The following COL7A1 variants were observed in gnomAD, a reference collection of about 807,000 sequenced individuals.
COL7A1 encodes the protein collagen type VII alpha 1 chain, also known as collagen alpha-1(VII) chain.
A neutral mutation model predicts 456.2 loss-of-function variants in COL7A1; 296 were observed. The observed-to-expected ratio is 0.65, with a 90% confidence interval of 0.59 to 0.71. The LOEUF is 0.71. COL7A1 is among the 30% of genes least tolerant of loss of function. COL7A1 has a pLI of 0.00. For synonymous variants in COL7A1, 1,464 were observed against 1,525.9 expected (o/e 0.96, Z 0.95); for missense variants, 3,441 against 4,017.2 (o/e 0.86, Z 3.88).
rs768014269 is a variant in COL7A1, at chr3:48,593,716, G to C, written c.267-20C>G. ...TCTGTCCTGTTGGAGGGTAGGGGTG[G>C]CAACAGGCTAGGACTCAGGATCTCT... On this transcript the variant is annotated intron_variant, in intron 3 of 118. Transcript: ENST00000681320. The surrounding 1 kb of genome is among the most constrained non-coding windows in gnomAD (Gnocchi z 4.4). 2 of 1,614,074 alleles carry C rather than the reference G, an allele frequency of 1.2e-6. No individual in the cohort carries two copies. The highest frequency in any genetic ancestry group is 1.7e-6 in the Non-Finnish European group (2 of 1,180,014).
At position 48,581,502 on chromosome 3, in the gene COL7A1, G is replaced by C; in HGVS notation, c.4783-19C>G. The C allele has an allele frequency of 6.2e-7, 1 of 1,614,088 alleles. No individual in the cohort carries two copies. The highest frequency in any genetic ancestry group is 8.5e-7 in the Non-Finnish European group (1 of 1,179,992). On this transcript the variant is annotated intron_variant, in intron 50 of 118. Coordinates refer to ENST00000681320, the MANE Select transcript of COL7A1 (RefSeq NM_000094.4). The surrounding 1 kb of genome is among the most constrained non-coding windows in gnomAD (Gnocchi z 5.8). Reference sequence around the variant, plus strand: ...TGGGACCCTGAAGGGGACAGAAGGGGGGCAGGACTTAGTCAGGGTCCCACC... The same window carrying C: ...TGGGACCCTGAAGGGGACAGAAGGGCGGCAGGACTTAGTCAGGGTCCCACC...
rs1183885605 is a variant in COL7A1, at chr3:48,588,954, T to G, written c.2356A>C (p.Asn786His). 10 of 1,613,514 alleles carry G rather than the reference T, an allele frequency of 6.2e-6. No individual in the cohort carries two copies. Among genetic ancestry groups the G allele is most frequent in the Non-Finnish European group, 8.5e-6 (10 of 1,180,032 alleles). The change falls in exon 19 of 119, where the codon AAT becomes CAT. Residue 786 changes from asparagine (N) to histidine (H), a missense_variant. Transcript: ENST00000681320. The surrounding 1 kb of genome is among the most constrained non-coding windows in gnomAD (Gnocchi z 4.6). ...ATCCGTAGAACGTCGCTGGAAGCAT[T>G]GAGGATCTGCAGCCTCGACACACGA... ...VGRVSRLQILNASSDVLRITW... is the reference protein window; with the variant it reads ...VGRVSRLQILHASSDVLRITW...
At position 48,591,348 on chromosome 3, in the gene COL7A1, A is replaced by T. The variant is rs970638399; in HGVS notation, c.1636+116T>A. 7 of 1,397,660 alleles carry T rather than the reference A, an allele frequency of 5.0e-6. No individual in the cohort carries two copies. Among genetic ancestry groups the T allele is most frequent in the Non-Finnish European group, 5.9e-6 (6 of 1,015,390 alleles). The allele number at this position is 1,397,660 out of a possible 1,614,324, so 86.6% of individuals were successfully genotyped here. The stretch of plus-strand genomic sequence containing the variant: ...TCTTGGGAAGCAGATGGATAACGAG[A>T]CAGGGAGGAGACTATAGGGACCCAG... On this transcript the variant is annotated intron_variant, in intron 13 of 118. Coordinates refer to ENST00000681320, the MANE Select transcript of COL7A1 (RefSeq NM_000094.4). The surrounding 1 kb of genome is among the most constrained non-coding windows in gnomAD (Gnocchi z 7.0).
rs2045070245 is a variant in COL7A1, at chr3:48,584,466, C to T, written c.4119+19G>A. The T allele has an allele frequency of 1.2e-6, 2 of 1,613,844 alleles. No homozygotes were observed. The highest frequency in any genetic ancestry group is 1.3e-5 in the African/African-American group (1 of 74,884). Reference sequence around the variant, plus strand: ...TCCCCCCACTACACATCACTTGCCTCCACATACCCTGCACTTACCGATGGT... The same window carrying T: ...TCCCCCCACTACACATCACTTGCCTTCACATACCCTGCACTTACCGATGGT... On this transcript the variant is annotated intron_variant, in intron 36 of 118. Coordinates refer to ENST00000681320, the MANE Select transcript of COL7A1 (RefSeq NM_000094.4).
Position 48,567,956 on chromosome 3 carries a change from T to C in COL7A1, c.7876-65A>G. The C allele has an allele frequency of 6.2e-7, 1 of 1,607,172 alleles. No individual in the cohort carries two copies. The highest frequency in any genetic ancestry group is 8.5e-7 in the Non-Finnish European group (1 of 1,174,178). ...CCTCACTCTGTGACCCCCTTCACCC[T>C]GAAACTAACTCTCCAAACAGGCCTC... On this transcript the variant is annotated intron_variant, in intron 106 of 118. Coordinates refer to ENST00000681320, the MANE Select transcript of COL7A1 (RefSeq NM_000094.4). This position sits in a 1 kb window ranked among gnomAD's most constrained non-coding sequence, Gnocchi z 4.3.
Position 48,579,516 on chromosome 3 carries a change from C to T in COL7A1, c.5236-1G>A. 1 of 1,614,018 alleles carries T rather than the reference C, an allele frequency of 6.2e-7. No individual in the cohort carries two copies. On this transcript the variant is annotated splice_acceptor_variant, in intron 59 of 118. Coordinates refer to ENST00000681320, the MANE Select transcript of COL7A1 (RefSeq NM_000094.4). LOFTEE classifies it high-confidence loss of function. The surrounding 1 kb of genome is among the most constrained non-coding windows in gnomAD (Gnocchi z 4.4). ...GGGGTCCCCGAAACCCTTCAATGCCCTGAGGATAGGGGAGGAAGAAATCAG... is the reference window on the plus strand; with the variant it reads ...GGGGTCCCCGAAACCCTTCAATGCCTTGAGGATAGGGGAGGAAGAAATCAG...
Position 48,586,601 on chromosome 3 carries a change from C to T in COL7A1, c.3365G>A (p.Arg1122His), listed in dbSNP as rs140317692. The change falls in exon 26 of 119, where the codon CGT becomes CAT. Residue 1122 changes from arginine (R) to histidine (H), a missense_variant. By Grantham distance (29) the Arg-to-His change is conservative. This residue lies in a region of COL7A1 where 444 missense variants were observed against 427.6 expected (regional missense o/e 1.04). Coordinates refer to ENST00000681320, the MANE Select transcript of COL7A1 (RefSeq NM_000094.4). This position sits in a 1 kb window ranked among gnomAD's most constrained non-coding sequence, Gnocchi z 5.1. ...ACTTGGGTCCATGTAGGGCATGTCA[C>T]GGATCCTTTGCAAGATAATGCCAAG... ...HDLGIILQRI[R>H]DMPYMDPSGN... 5.1e-5 allele frequency: 82 copies of T among 1,613,616 alleles called. No individual in the cohort carries two copies. Among genetic ancestry groups the T allele is most frequent in the Admixed American group, 1.3e-4 (8 of 60,000 alleles).
rs374718902 is a variant in COL7A1, at chr3:48,579,241, C to T, written c.5344G>A (p.Gly1782Arg). The change falls in exon 62 of 119, where the codon GGA becomes AGA. Residue 1782 changes from glycine (G) to arginine (R), a missense_variant. Physicochemically the swap from Gly to Arg is moderately radical, Grantham distance 125 (BLOSUM62 -2). Around this residue, in one of 3 missense-constraint regions of COL7A1, gnomAD observed 2,084 missense variants for 2,501.3 expected, o/e 0.83. Coordinates refer to ENST00000681320, the MANE Select transcript of COL7A1 (RefSeq NM_000094.4). This position sits in a 1 kb window ranked among gnomAD's most constrained non-coding sequence, Gnocchi z 4.4. ...GCGGCTCCTGGTTTCCCATCCAGTC[C>T]GCTCCGGCCATCCAGCCCAGGGGGA... is the stretch of plus-strand genomic sequence containing the variant. ...RGPPGLDGRSGLDGKPGAAGP... is the reference protein window; with the variant it reads ...RGPPGLDGRSRLDGKPGAAGP... 6.8e-6 allele frequency: 11 copies of T among 1,613,762 alleles called. No homozygotes were observed. The highest frequency in any genetic ancestry group is 2.7e-5 in the African/African-American group (2 of 74,916).
Position 48,590,761 on chromosome 3 carries a change from G to A in COL7A1, c.1692C>T (p.Asp564=), listed in dbSNP as rs1271847669. ...CAGTGTAGCTAAGCCCAGCCTGAAC[G>A]TCATCCAAGTCGAATGCTGTCTGAC... ...PGSQTAFDLD[D]VQAGLSYTVR... The change falls in exon 14 of 119, where the codon GAC becomes GAT. Residue 564 remains aspartate, a synonymous_variant. Transcript: ENST00000681320. The surrounding 1 kb of genome is among the most constrained non-coding windows in gnomAD (Gnocchi z 4.6). The A allele has an allele frequency of 6.2e-6, 10 of 1,613,836 alleles. No individual in the cohort carries two copies. Among genetic ancestry groups the A allele is most frequent in the African/African-American group, 1.3e-5 (1 of 74,918 alleles).
chr3:48,581,596 G>A lies in COL7A1; in HGVS notation c.4759C>T (p.Pro1587Ser). The A allele has an allele frequency of 6.2e-7, 1 of 1,614,096 alleles. No individual in the cohort carries two copies. The highest frequency in any genetic ancestry group is 1.1e-5 in the South Asian group (1 of 91,084). ...ACCCGGTCTCCAGGGTCTCCCTTGG[G>A]GCCAGGGTCTCCAGGAAGAACCAAG... Reference protein sequence around the residue: ...PGLVLPGDPGPKGDPGDRGPI... With the variant: ...PGLVLPGDPGSKGDPGDRGPI... Residue 1587 changes from proline (P) to serine (S), a missense_variant, in exon 50 of 119, where the codon CCC becomes TCC. This residue lies in a region of COL7A1 where 2,084 missense variants were observed against 2,501.3 expected (regional missense o/e 0.83). Transcript: ENST00000681320. This position sits in a 1 kb window ranked among gnomAD's most constrained non-coding sequence, Gnocchi z 5.8.
chr3:48,595,149 C>T lies in COL7A1; in HGVS notation c.11G>A (p.Arg4Gln), dbSNP rs2045993672. 4 of 1,552,418 alleles carry T rather than the reference C, an allele frequency of 2.6e-6. No individual in the cohort carries two copies. Among genetic ancestry groups the T allele is most frequent in the South Asian group, 1.2e-5 (1 of 84,260 alleles). Residue 4 changes from arginine to glutamine, a missense_variant, in exon 2 of 119, where the codon CGG becomes CAG. Around this residue, in one of 3 missense-constraint regions of COL7A1, gnomAD observed 913 missense variants for 1,088.2 expected, o/e 0.84. Transcript: ENST00000681320. Reference sequence around the variant, plus strand: ...GGCGCAGAGCGCGGCCACCAGAAGCCGCAGCGTCATCCTAGGCAGTAAAAG... The same window carrying T: ...GGCGCAGAGCGCGGCCACCAGAAGCTGCAGCGTCATCCTAGGCAGTAAAAG... MTL[R>Q]LLVAALCAGI...
rs2045481984 is a variant in COL7A1 at position 48,588,814 on chromosome 3, G to T, written c.2441-26C>A. 2 of 1,613,660 alleles carry T rather than the reference G, an allele frequency of 1.2e-6. No individual in the cohort carries two copies. Among genetic ancestry groups the T allele is most frequent in the South Asian group, 1.1e-5 (1 of 91,092 alleles). On this transcript the variant is annotated intron_variant, in intron 19 of 118. Transcript: ENST00000681320. This position sits in a 1 kb window ranked among gnomAD's most constrained non-coding sequence, Gnocchi z 4.6. ...CTGGCCAGGTGGGCATACAGCAATG[G>T]TTAGGGGTGAGCAGTCCCAGCCAGG...
chr3:48,589,101 A>G, intron 18 of COL7A1, 106 bp from the exon 19 acceptor site: 1 of 1,581,188 alleles, frequency 6.3e-7, no homozygotes, highest in Admixed American at 1.7e-5. Flanking sequence ...TAGTGTGGAC[A>G]GGTCACTTTA....
Position 48,583,067 on chromosome 3 carries a change from T to C in COL7A1, c.4483-19A>G. 1 of 1,613,422 alleles carries C rather than the reference T, an allele frequency of 6.2e-7. No individual in the cohort carries two copies. The highest frequency in any genetic ancestry group is 8.5e-7 in the Non-Finnish European group (1 of 1,179,838). On this transcript the variant is annotated intron_variant, in intron 43 of 118. Coordinates refer to ENST00000681320, the MANE Select transcript of COL7A1 (RefSeq NM_000094.4). This position sits in a 1 kb window ranked among gnomAD's most constrained non-coding sequence, Gnocchi z 5.1. ...GTTCGCCCTGATGGAAAAGAAGAGG[T>C]CAGAGCTGAGTTGGGCCCAGATCCT...
chr3:48,585,525 C>T lies in COL7A1; in HGVS notation c.3894+32G>A. On this transcript the variant is annotated intron_variant, in intron 32 of 118. Transcript: ENST00000681320. The surrounding 1 kb of genome is among the most constrained non-coding windows in gnomAD (Gnocchi z 4.5). ...ACCCCGAGACAGCTTTGAGGAGTGCCTCAGAGAAACCTCGATGGTCTCCAC... is the reference window on the plus strand; with the variant it reads ...ACCCCGAGACAGCTTTGAGGAGTGCTTCAGAGAAACCTCGATGGTCTCCAC... 1.9e-6 allele frequency: 3 copies of T among 1,612,110 alleles called. No individual in the cohort carries two copies. Among genetic ancestry groups the T allele is most frequent in the Non-Finnish European group, 1.7e-6 (2 of 1,178,906 alleles).
chr3:48,573,607 A>T lies in COL7A1; in HGVS notation c.6574-50T>A. On this transcript the variant is annotated intron_variant, in intron 82 of 118. Coordinates refer to ENST00000681320, the MANE Select transcript of COL7A1 (RefSeq NM_000094.4). The surrounding 1 kb of genome is among the most constrained non-coding windows in gnomAD (Gnocchi z 5.5). Reference sequence around the variant, plus strand: ...GAACAGGGCTCAGGGATTAACACAGAGAAGGCCTGGCTCATCAGCTGTGGC... The same window carrying T: ...GAACAGGGCTCAGGGATTAACACAGTGAAGGCCTGGCTCATCAGCTGTGGC... 6.2e-7 allele frequency: 1 copy of T among 1,613,722 alleles called. No homozygotes were observed. The highest frequency in any genetic ancestry group is 2.2e-5 in the East Asian group (1 of 44,872).
chr3:48,565,556 A>G lies in COL7A1; in HGVS notation c.8441-60T>C, dbSNP rs1051795889. ...GTCACCATGGGCAGCCATCCCAGCCAACCCCCCTGAGAGGACCCCAGTTGA... is the reference window on the plus strand; with the variant it reads ...GTCACCATGGGCAGCCATCCCAGCCGACCCCCCTGAGAGGACCCCAGTTGA... On this transcript the variant is annotated intron_variant, in intron 115 of 118. Coordinates refer to ENST00000681320, the MANE Select transcript of COL7A1 (RefSeq NM_000094.4). This position sits in a 1 kb window ranked among gnomAD's most constrained non-coding sequence, Gnocchi z 4.5. 3 of 1,613,720 alleles carry G rather than the reference A, an allele frequency of 1.9e-6. No homozygotes were observed. In the African/African-American group the frequency reaches 4.0e-5, roughly 22 times the overall value.
chr3:48,566,600 A>T lies in COL7A1; in HGVS notation c.8305-37T>A. 1 of 1,613,982 alleles carries T rather than the reference A, an allele frequency of 6.2e-7. No homozygotes were observed. Among genetic ancestry groups the T allele is most frequent in the Non-Finnish European group, 8.5e-7 (1 of 1,179,964 alleles). ...AGATGGGACCAGGCTGTGACCTCTG[A>T]CCTCAGGGACAACAGAAGTCACCCC... is the stretch of plus-strand genomic sequence containing the variant. On this transcript the variant is annotated intron_variant, in intron 112 of 118. Coordinates refer to ENST00000681320, the MANE Select transcript of COL7A1 (RefSeq NM_000094.4). This position sits in a 1 kb window ranked among gnomAD's most constrained non-coding sequence, Gnocchi z 5.9.
Position 48,586,713 on chromosome 3 carries a change from C to T in COL7A1, c.3277-24G>A, listed in dbSNP as rs112544320. The T allele has an allele frequency of 2.6e-5, 41 of 1,562,414 alleles. No homozygotes were observed. The African/African-American group carries it at 2.7e-4, about 10-fold the overall frequency. ...ACCTGGGGTGGAAGGAAACACAGAG[C>T]CTGAGGAGGATGACAGAGCAGGGAT... On this transcript the variant is annotated intron_variant, in intron 25 of 118. Transcript: ENST00000681320. The surrounding 1 kb of genome is among the most constrained non-coding windows in gnomAD (Gnocchi z 5.1).
Sources: allele counts gnomAD v4.1 joint callset, GRCh38; gene constraint gnomAD v4.1.1; regional missense constraint gnomAD v4.1.1; non-coding constraint Gnocchi (gnomAD v3.1); transcripts MANE v1.5; gene names NCBI Gene and HGNC (gene_info 2026-07-23, HGNC 2026-07-21).